Variants in ERP44 observed in about 807,000 individuals in gnomAD.
The protein encoded by ERP44 is endoplasmic reticulum resident protein 44.
A neutral mutation model predicts 53.4 loss-of-function variants in ERP44; 25 were observed. That is an observed-to-expected ratio of 0.47 (90% CI 0.34 to 0.65). ERP44 has a LOEUF of 0.65. Among genes scored for constraint, ERP44 ranks in the 30% least tolerant of loss-of-function variants. The probability of loss-of-function intolerance (pLI) is 0.01; values close to 1 mark genes in which losing one functional copy is unlikely to be tolerated. For missense variants in ERP44, 338 were observed against 493.2 expected, an observed-to-expected ratio of 0.69 and a Z score of 2.98; for synonymous variants, 145 against 161.2, an observed-to-expected ratio of 0.90 and a Z score of 0.76.
Position 100,016,439 on chromosome 9 carries a change from C to A in ERP44, c.646-1G>T. 1.3e-6 allele frequency: 2 copies of A among 1,590,152 alleles called. No individual in the cohort carries two copies. The highest frequency in any genetic ancestry group is 1.9e-5 in the Admixed American group (1 of 53,006). ...AGTACACCATATCCGGAGCAGAATG[C>A]TATTACAAAACAGAAAAAAAAAATT... is the stretch of plus-strand genomic sequence containing the variant. On this transcript the variant is annotated splice_acceptor_variant, in intron 7 of 11. Coordinates refer to ENST00000262455, the MANE Select transcript of ERP44 (RefSeq NM_015051.3). LOFTEE classifies it high-confidence loss of function.
intron 11 of ERP44, among the ~76,000 whole-genome samples, chr9:99,983,080 G>A (rs1048948735): frequency 2.0e-5 from 3 of 152,158 alleles, no homozygotes; most frequent in African/African-American, 4.8e-5. Context: ...TGACTGCTAA[G>A]AGAATTAATG....
At chr9:100,049,894 A>G (rs1307299834) in intron 4 of ERP44, among the ~76,000 whole-genome samples, 9 of 152,310 alleles carry the variant, frequency 5.9e-5, no homozygotes, top group Admixed American at 5.2e-4. Flanking sequence ...TGTAATAGCC[A>G]GCAAGTCGAA....
intron 4 of ERP44, among the ~76,000 whole-genome samples, chr9:100,039,583 C>A (rs1423018412): frequency 6.6e-6 from 1 of 151,592 alleles, no homozygotes; most frequent in East Asian, 1.9e-4. Flanking sequence ...AAAAAACTTC[C>A]AATAAATAAC....
intron 4 of ERP44, among the ~76,000 whole-genome samples, chr9:100,040,965 A>G (rs556042383): frequency 4.0e-4 from 61 of 152,266 alleles, no homozygotes; most frequent in African/African-American, 1.3e-3. Context: ...AGATCTCTAC[A>G]ATGATAATTA....
At chr9:100,045,359 C>T (rs936276028) in intron 4 of ERP44, among the ~76,000 whole-genome samples, 5 of 152,076 alleles carry the variant, frequency 3.3e-5, no homozygotes, top group African/African-American at 1.2e-4. Context: ...TCACAATTTG[C>T]GATTGTGTAT....
intron 3 of ERP44, among the ~76,000 whole-genome samples, chr9:100,056,814 G>C (rs1826092273): frequency 1.3e-5 from 2 of 152,200 alleles, no homozygotes; most frequent in Non-Finnish European, 2.9e-5. Context: ...GAATGTGGAA[G>C]TGGAGAGAGG....
chr9:100,075,875 C>T (rs746531363), intron 1 of ERP44, among the ~76,000 whole-genome samples: 9 of 152,112 alleles, frequency 5.9e-5, no homozygotes, highest in Non-Finnish European at 1.2e-4. Flanking sequence ...GAACAGAAGA[C>T]GGCTCTGCAA....
Position 100,098,719 on chromosome 9 carries a change from C to G in ERP44, c.57+65G>C, listed in dbSNP as rs568749632. 2.6e-5 allele frequency: 34 copies of G among 1,314,592 alleles called. No individual in the cohort carries two copies. In the Middle Eastern group the frequency reaches 7.3e-4, roughly 28 times the overall value. The allele number at this position is 1,314,592 out of a possible 1,614,324, so 81.4% of individuals were successfully genotyped here. Reference sequence around the variant, plus strand: ...AAGCAGGGGCAGGAGTAGCAGTGTTCCCCCTGGGCGAGGGCCGGAGGCCGT... The same window carrying G: ...AAGCAGGGGCAGGAGTAGCAGTGTTGCCCCTGGGCGAGGGCCGGAGGCCGT... On this transcript the variant is annotated intron_variant, in intron 1 of 11. Transcript: ENST00000262455.
At chr9:99,998,195 A>G in intron 10 of ERP44, 1 of 217,142 alleles carries the variant, frequency 4.6e-6, no homozygotes, top group Non-Finnish European at 9.4e-6. Flanking sequence ...TTTAGCTTCC[A>G]GTTTCCTGGT....
intron 1 of ERP44, among the ~76,000 whole-genome samples, chr9:100,084,251 TACAA>T (rs923273312): frequency 2.0e-5 from 3 of 152,214 alleles, no homozygotes; most frequent in Admixed American, 2.0e-4. Context: ...TCTTTCTAAC[TACAA>T]ACTTAAAAGT....
At chr9:99,984,573 C>T (rs140432908) in intron 11 of ERP44, among the ~76,000 whole-genome samples, 22 of 152,226 alleles carry the variant, frequency 1.4e-4, no homozygotes, top group African/African-American at 5.1e-4. Flanking sequence ...CAAATCATTA[C>T]TTTCTTTATA....
rs986861912 is a variant in ERP44, at chr9:100,098,820, T to C, written c.21A>G (p.Leu7=). 1.9e-6 allele frequency: 3 copies of C among 1,613,684 alleles called. No homozygotes were observed. The highest frequency in any genetic ancestry group is 1.7e-5 in the Admixed American group (1 of 59,968). Residue 7 remains leucine, a synonymous_variant, in exon 1 of 12, where the codon CTA becomes CTG. Coordinates refer to ENST00000262455, the MANE Select transcript of ERP44 (RefSeq NM_015051.3). ...GGGAGCATCTGAGGTCGGGTAAGGA[T>C]AGGAAGACGGCAGGATGCATGGTAA... MHPAVF[L]SLPDLRCSLL...
intron 4 of ERP44, among the ~76,000 whole-genome samples, chr9:100,046,693 AC>A (rs1825973871): frequency 6.6e-6 from 1 of 152,192 alleles, no homozygotes; most frequent in Non-Finnish European, 1.5e-5. Flanking sequence ...ACAATTTCCC[AC>A]AAATTGCCCT....
chr9:100,078,034 T>A (rs923470850), intron 1 of ERP44, among the ~76,000 whole-genome samples: 1 of 152,188 alleles, frequency 6.6e-6, no homozygotes, highest in Admixed American at 6.5e-5. Flanking sequence ...ACAGAATGGG[T>A]AGAACAAGGC....
chr9:100,056,267 C>T (rs1007556565), intron 3 of ERP44, among the ~76,000 whole-genome samples: 2 of 152,168 alleles, frequency 1.3e-5, no homozygotes, highest in African/African-American at 4.8e-5. Context: ...GCTATTAATA[C>T]ATCTTGACAA....
chr9:100,060,815 A>G (rs1826138016), intron 1 of ERP44, among the ~76,000 whole-genome samples: 1 of 152,356 alleles, frequency 6.6e-6, no homozygotes, highest in East Asian at 1.9e-4. Context: ...AAACTAAACT[A>G]GCAAATGTTT....
rs1830303962 is a variant in ERP44 at position 99,995,846 on chromosome 9, ATTTC to A, written c.1016+10656_1016+10659del. Among the ~76,000 whole-genome samples, 3 of 150,270 alleles carry A rather than the reference ATTTC, an allele frequency of 2.0e-5. No homozygotes were observed. In the South Asian group the frequency reaches 6.3e-4, roughly 32 times the overall value. ...CTGCAATGAACATAGGAGTGCAGAT[ATTTC>A]TTCAACAGATTGATTTCCTATCTTT... On this transcript the variant is annotated intron_variant, in intron 10 of 11. Transcript: ENST00000262455.
Position 100,018,289 on chromosome 9 carries a change from A to C in ERP44, c.612T>G (p.Tyr204Ter). Residue 204 changes from tyrosine (Y) to a stop codon, truncating the protein, a stop_gained, in exon 7 of 12, where the codon TAT becomes TAG. Transcript: ENST00000262455. LOFTEE classifies it high-confidence loss of function. ...GTTTGTAGATTATGTTGTCGCCACT[A>C]TATCTTTCCGGTTTTGAAACATCCC... Reference protein sequence around the residue: ...AFGDVSKPERYSGDNIIYKPP... With the variant: ...AFGDVSKPER The C allele has an allele frequency of 6.2e-7, 1 of 1,607,582 alleles. No individual in the cohort carries two copies. Among genetic ancestry groups the C allele is most frequent in the Non-Finnish European group, 8.5e-7 (1 of 1,174,186 alleles).
intron 4 of ERP44, among the ~76,000 whole-genome samples, chr9:100,034,484 C>T (rs183532743): frequency 1.3e-5 from 2 of 152,286 alleles, no homozygotes. Flanking sequence ...AGCCAGCCAG[C>T]AGCCCTTGCG....
Sources: gnomAD v4.1 joint callset for allele counts (sites outside exome capture counted in the v4.1 genomes callset) on GRCh38, gnomAD v4.1.1 for gene constraint, MANE v1.5 for transcripts, NCBI Gene and HGNC (gene_info 2026-07-23, HGNC 2026-07-21) for gene names.